ADGRF5: variants seen among roughly 807,000 people sequenced by gnomAD.
The protein encoded by ADGRF5 is G-protein coupled receptor 116.
A neutral mutation model predicts 132.3 loss-of-function variants in ADGRF5; 75 were observed. The ratio of observed to expected loss-of-function variants is 0.57; its 90% CI spans 0.47 to 0.69. ADGRF5 has a LOEUF of 0.69. Ranked by LOEUF, ADGRF5 falls within the 30% of genes least tolerant of loss-of-function variation. The pLI, the probability that ADGRF5 is intolerant of heterozygous loss-of-function variation, is 0.00. For missense variants in ADGRF5, 1,516 were observed against 1,630.6 expected, an observed-to-expected ratio of 0.93 and a Z score of 1.21; for synonymous variants, 629 against 597.6, an observed-to-expected ratio of 1.05 and a Z score of -0.77.
chr6:46,888,317 A>G lies in ADGRF5; in HGVS notation c.328+18T>C. The G allele has an allele frequency of 1.3e-6, 2 of 1,557,710 alleles. No individual in the cohort carries two copies. The highest frequency in any genetic ancestry group is 1.8e-6 in the Non-Finnish European group (2 of 1,129,216). ...GACATCCAATCATTTATTCTGAAGC[A>G]ATGGGTCTCTTACTCACCTGTTGTC... On this transcript the variant is annotated intron_variant, in intron 4 of 20. Coordinates refer to ENST00000283296, the MANE Select transcript of ADGRF5 (RefSeq NM_001098518.2).
intron 9 of ADGRF5, 61 bp from the exon 10 acceptor site, chr6:46,878,466 G>A (rs1288682147): frequency 4.0e-6 from 4 of 994,056 alleles, no homozygotes; most frequent in South Asian, 1.4e-5. Context: ...TTAGAGGAAT[G>A]TACCGTCAGC....
At chr6:46,880,092 A>G (rs1772281752) in intron 8 of ADGRF5, 53 bp from the exon 9 acceptor site, 3 of 1,247,158 alleles carry the variant, frequency 2.4e-6, no homozygotes, top group African/African-American at 1.5e-5. Context: ...AATGTCACTG[A>G]TGCTACTCAC....
At chr6:46,910,410 CT>C (rs1173893723) in intron 1 of ADGRF5, among the ~76,000 whole-genome samples, 28 of 152,106 alleles carry the variant, frequency 1.8e-4, no homozygotes, top group African/African-American at 6.8e-4. Context: ...GTAATAATTG[CT>C]AGTGAAAATG....
At chr6:46,902,147 G>A (rs1444245152) in intron 2 of ADGRF5, among the ~76,000 whole-genome samples, 3 of 152,238 alleles carry the variant, frequency 2.0e-5, no homozygotes, top group Non-Finnish European at 4.4e-5. Flanking sequence ...CAAAGTCAAT[G>A]TATAGGACTG....
At chr6:46,879,228 T>C (rs961348753) in intron 9 of ADGRF5, among the ~76,000 whole-genome samples, 6 of 151,468 alleles carry the variant, frequency 4.0e-5, no homozygotes, top group Non-Finnish European at 8.8e-5. Context: ...TATTATATAC[T>C]ATAATAAAAC....
intron 1 of ADGRF5, among the ~76,000 whole-genome samples, chr6:46,915,859 A>G (rs894139230): frequency 7.9e-5 from 12 of 152,096 alleles, no homozygotes; most frequent in African/African-American, 2.4e-4. Flanking sequence ...AGGCAAACCC[A>G]CAACATTTGC....
At chr6:46,932,880 C>T (rs1777626531) in intron 1 of ADGRF5, among the ~76,000 whole-genome samples, 1 of 152,120 alleles carries the variant, frequency 6.6e-6, no homozygotes, top group Non-Finnish European at 1.5e-5. Context: ...TTCAAGAATA[C>T]ATAATATGTC....
At chr6:46,895,293 A>G (rs1774057035) in intron 3 of ADGRF5, among the ~76,000 whole-genome samples, 1 of 152,100 alleles carries the variant, frequency 6.6e-6, no homozygotes, top group African/African-American at 2.4e-5. Context: ...AAACACTCCC[A>G]ACATTAAATG....
chr6:46,871,998 T>G lies in ADGRF5; in HGVS notation c.1256A>C (p.Asp419Ala). ...KINIPGTPET[D>A]IDSSCSRYTL... ...GTATCTGCTGCAGCTAGAATCTATG[T>G]CTGTCTCAGGGGTTCCTATAATGAG... The change falls in exon 11 of 21, where the codon GAC becomes GCC. Residue 419 changes from aspartate (D) to alanine (A), a missense_variant. Transcript: ENST00000283296. 6.2e-7 allele frequency: 1 copy of G among 1,606,548 alleles called. No homozygotes were observed.
intron 9 of ADGRF5, 50 bp from the exon 10 acceptor site, chr6:46,878,455 C>G: frequency 8.9e-7 from 1 of 1,120,396 alleles, no homozygotes; most frequent in Non-Finnish European, 1.3e-6. Flanking sequence ...TGTGTATTTT[C>G]TTAGAGGAAT....
intron 3 of ADGRF5, among the ~76,000 whole-genome samples, chr6:46,896,625 C>T (rs1466592291): frequency 6.6e-6 from 1 of 151,584 alleles, no homozygotes; most frequent in Non-Finnish European, 1.5e-5. Context: ...ATTTAATCTT[C>T]CTAACAACCC....
At chr6:46,860,077 T>C (rs976215921) in intron 16 of ADGRF5, among the ~76,000 whole-genome samples, 3 of 152,132 alleles carry the variant, frequency 2.0e-5, no homozygotes, top group African/African-American at 7.2e-5. Context: ...CCTGAGCACA[T>C]GTCTGGTTAT....
At chr6:46,877,225 C>CTCTT (rs71536391) in intron 10 of ADGRF5, among the ~76,000 whole-genome samples, 2,000 of 131,734 alleles carry the variant, frequency 0.015, 76 homozygotes, top group Middle Eastern at 0.038. Flanking sequence ...TTTATTTCCT[C>CTCTT]TCTTTCTTTC....
At chr6:46,938,509 G>T (rs908155625) in intron 1 of ADGRF5, among the ~76,000 whole-genome samples, 1 of 152,202 alleles carries the variant, frequency 6.6e-6, no homozygotes, top group Non-Finnish European at 1.5e-5. Context: ...GGTCCTCTAA[G>T]CCAGTGATAA....
intron 13 of ADGRF5, among the ~76,000 whole-genome samples, chr6:46,866,170 T>C (rs904322441): frequency 3.3e-5 from 5 of 152,204 alleles, no homozygotes; most frequent in African/African-American, 1.2e-4. Flanking sequence ...TTGGCACTCC[T>C]GAACCACAAA....
intron 9 of ADGRF5, among the ~76,000 whole-genome samples, chr6:46,878,952 G>C (rs1772134454): frequency 1.3e-5 from 2 of 152,100 alleles, no homozygotes; most frequent in Admixed American, 6.5e-5. Flanking sequence ...GCGGGCAAGA[G>C]GACAGGAGAA....
chr6:46,898,982 A>G (rs1774465469), intron 3 of ADGRF5, among the ~76,000 whole-genome samples: 2 of 152,192 alleles, frequency 1.3e-5, no homozygotes, highest in Admixed American at 1.3e-4. Context: ...GGCTACAGAG[A>G]TGAGGAGAAC....
intron 1 of ADGRF5, among the ~76,000 whole-genome samples, chr6:46,911,222 T>G (rs149363247): frequency 2.6e-5 from 4 of 152,312 alleles, no homozygotes; most frequent in African/African-American, 9.6e-5. Context: ...CTTTCACTGA[T>G]CCTCAAGGCT....
intron 4 of ADGRF5, 139 bp from the exon 5 acceptor site, chr6:46,884,410 CT>C: frequency 1.6e-6 from 1 of 643,844 alleles, no homozygotes. Context: ...TTCAATAGCA[CT>C]GCATAAAATT....
Sources: allele counts gnomAD v4.1 joint callset (sites outside exome capture counted in the v4.1 genomes callset), GRCh38; gene constraint gnomAD v4.1.1; transcripts MANE v1.5; gene names NCBI Gene and HGNC (gene_info 2026-07-23, HGNC 2026-07-21).